The following OR14A16 variants were observed in gnomAD, a reference collection of about 807,000 sequenced individuals.
OR14A16 encodes olfactory receptor 14A16.
For missense variants in OR14A16, 341 were observed against 366.5 expected (o/e 0.93, Z 0.57); for synonymous variants, 135 against 137.6 (o/e 0.98, Z 0.13).
At chr1:247,818,214 G>T (rs558266764) in intron 2 of OR14A16, among the ~76,000 whole-genome samples, 5 of 152,088 alleles carry the variant, frequency 3.3e-5, no homozygotes, top group Non-Finnish European at 7.4e-5. Context: ...AATTAAAATG[G>T]ATTTTATCCA....
chr1:247,817,063 G>A (rs1196998336), intron 2 of OR14A16, among the ~76,000 whole-genome samples: 2 of 152,178 alleles, frequency 1.3e-5, no homozygotes, highest in Non-Finnish European at 2.9e-5. Context: ...ATGGAAAACT[G>A]TGGTTATTCA....
chr1:247,822,580 A>G (rs370395049), intron 1 of OR14A16, among the ~76,000 whole-genome samples: 2 of 152,134 alleles, frequency 1.3e-5, no homozygotes, highest in East Asian at 3.9e-4. Flanking sequence ...TTCTCTGATC[A>G]TCCAACTCGC....
rs761472828 is a variant in OR14A16, at chr1:247,815,651, T to A, written c.79A>T (p.Ile27Phe). 6.2e-7 allele frequency: 1 copy of A among 1,611,104 alleles called. No homozygotes were observed. The highest frequency in any genetic ancestry group is 8.5e-7 in the Non-Finnish European group (1 of 1,177,484). ...TNKNMCILHSILFLLIYLCAL... is the reference protein window; with the variant it reads ...TNKNMCILHSFLFLLIYLCAL... ...CACAAATAAATCAACAAGAAGAGAA[T>A]CGAATGCAAAATGCACATATTTTTA... is the stretch of plus-strand genomic sequence containing the variant. The change falls in exon 3 of 3, where the codon ATT (isoleucine) becomes TTT (phenylalanine). Residue 27 changes from isoleucine to phenylalanine, a missense_variant. By Grantham distance (21) the Ile-to-Phe change is conservative. Coordinates refer to ENST00000641093, the MANE Select transcript of OR14A16 (RefSeq NM_001001966.2).
intron 2 of OR14A16, among the ~76,000 whole-genome samples, chr1:247,818,711 G>A (rs72777551): frequency 0.041 from 6,188 of 152,214 alleles, 198 homozygotes; most frequent in Middle Eastern, 0.14. Context: ...GACTGAGAGG[G>A]TAGTAAGGAG....
chr1:247,814,748 G>T lies in OR14A16; in HGVS notation c.*52C>A. On this transcript the variant is annotated 3_prime_UTR_variant, in exon 3 of 3. Transcript: ENST00000641093. ...TTAGAGATAAAAATGAAGAATTAAT[G>T]TGTGTACATTATAAATGGTATCTAT... 1.1e-6 allele frequency: 1 copy of T among 887,094 alleles called. No homozygotes were observed. The highest frequency in any genetic ancestry group is 1.6e-6 in the Non-Finnish European group (1 of 608,774). 55.0% of individuals were successfully genotyped at this position (887,094 alleles called of 1,614,324 possible).
chr1:247,815,107 C>A lies in OR14A16; in HGVS notation c.623G>T (p.Cys208Phe), dbSNP rs112398272. Residue 208 changes from cysteine (C) to phenylalanine (F), a missense_variant, in exon 3 of 3, where the codon TGT (cysteine) becomes TTT (phenylalanine). Coordinates refer to ENST00000641093, the MANE Select transcript of OR14A16 (RefSeq NM_001001966.2). ...ILINVVLDFC[C>F]FIVIIITYVH... ...ATAGGTAATGATGATGACAATAAAA[C>A]AGCAGAAATCCAAAACTACATTAAT... 5 of 1,613,878 alleles carry A rather than the reference C, an allele frequency of 3.1e-6. No individual in the cohort carries two copies. In the South Asian group the frequency reaches 5.5e-5, roughly 18 times the overall value.
rs775931268 is a variant in OR14A16, at chr1:247,814,790, G to A, written c.*10C>T. ...GGTATCTATTATTGAAAGAAGAAAA[G>A]CAACAGCTTTTACTTTTTGGTGAGC... On this transcript the variant is annotated 3_prime_UTR_variant, in exon 3 of 3. Transcript: ENST00000641093. The A allele has an allele frequency of 2.7e-6, 4 of 1,499,032 alleles. No homozygotes were observed. The highest frequency in any genetic ancestry group is 3.6e-6 in the Non-Finnish European group (4 of 1,118,422). The allele number at this position is 1,499,032 out of a possible 1,614,324, so 92.9% of individuals were successfully genotyped here.
At chr1:247,821,429 A>G (rs1231218566) in intron 1 of OR14A16, among the ~76,000 whole-genome samples, 1 of 152,170 alleles carries the variant, frequency 6.6e-6, no homozygotes, top group East Asian at 1.9e-4. Flanking sequence ...TGCTTTATAT[A>G]TTTGGTATGC....
At chr1:247,817,323 A>T (rs4364911) in intron 2 of OR14A16, among the ~76,000 whole-genome samples, 125,752 of 152,188 alleles carry the variant, frequency 0.83, 54,060 homozygotes, top group East Asian at 1. Context: ...CTGTTAGAAA[A>T]AAAACCCAGA....
At chr1:247,816,203 A>G (rs1202807303) in intron 2 of OR14A16, among the ~76,000 whole-genome samples, 2 of 152,206 alleles carry the variant, frequency 1.3e-5, no homozygotes, top group East Asian at 3.8e-4. Context: ...AAGAATTTGA[A>G]CAATTAACAA....
chr1:247,820,871 A>T (rs1662724023), intron 1 of OR14A16, among the ~76,000 whole-genome samples: 1 of 152,142 alleles, frequency 6.6e-6, no homozygotes, highest in Admixed American at 6.5e-5. Context: ...AAAAAAAAAA[A>T]AAAAAATCTT....
chr1:247,814,703 T>G lies in OR14A16; in HGVS notation c.*97A>C. ...AAATAATTGCTTTCATTTGTCTTTTTAAATTTTTACTTTTAAGAATTAGAG... is the reference window on the plus strand; with the variant it reads ...AAATAATTGCTTTCATTTGTCTTTTGAAATTTTTACTTTTAAGAATTAGAG... On this transcript the variant is annotated 3_prime_UTR_variant, in exon 3 of 3. Coordinates refer to ENST00000641093, the MANE Select transcript of OR14A16 (RefSeq NM_001001966.2). 1.6e-6 allele frequency: 1 copy of G among 610,120 alleles called. No individual in the cohort carries two copies. Among genetic ancestry groups the G allele is most frequent in the African/African-American group, 1.9e-5 (1 of 52,488 alleles). The allele number at this position is 610,120 out of a possible 1,614,324, so 37.8% of individuals were successfully genotyped here.
In OR14A16 at chr1:247,814,748, G is replaced by C; in HGVS notation, c.*52C>G. ...TTAGAGATAAAAATGAAGAATTAAT[G>C]TGTGTACATTATAAATGGTATCTAT... On this transcript the variant is annotated 3_prime_UTR_variant, in exon 3 of 3. Coordinates refer to ENST00000641093, the MANE Select transcript of OR14A16 (RefSeq NM_001001966.2). 1.1e-6 allele frequency: 1 copy of C among 887,100 alleles called. No homozygotes were observed. The highest frequency in any genetic ancestry group is 1.6e-6 in the Non-Finnish European group (1 of 608,780). The allele number at this position is 887,100 out of a possible 1,614,324, so 55.0% of individuals were successfully genotyped here.
intron 1 of OR14A16, among the ~76,000 whole-genome samples, chr1:247,819,659 A>G (rs562708645): frequency 4.5e-4 from 58 of 129,284 alleles, no homozygotes; most frequent in Non-Finnish European, 8.7e-4. Flanking sequence ...TAACATATCC[A>G]TCACCTCACA....
At chr1:247,816,944 A>T (rs79887984) in intron 2 of OR14A16, among the ~76,000 whole-genome samples, 3,891 of 152,162 alleles carry the variant, frequency 0.026, 172 homozygotes, top group African/African-American at 0.088. Context: ...TTTTATGTCC[A>T]CTGCTTTCTC....
At chr1:247,820,379 G>C (rs887704953) in intron 1 of OR14A16, among the ~76,000 whole-genome samples, 3 of 151,828 alleles carry the variant, frequency 2.0e-5, no homozygotes, top group African/African-American at 7.3e-5. Flanking sequence ...TGCTGTTATT[G>C]TTTATGATTT....
chr1:247,822,835 A>G lies in OR14A16; in HGVS notation c.-131+1118T>C, dbSNP rs559052379. ...CTAGGAGCAAAGACTGAACTTATCA[A>G]TAGCTGAACTTCATCAAGAAAAGAT... On this transcript the variant is annotated intron_variant, in intron 1 of 2. Transcript: ENST00000641093. 5.3e-5 allele frequency among the ~76,000 whole-genome samples: 8 copies of G among 152,354 alleles called. No individual in the cohort carries two copies. The East Asian group carries it at 1.5e-3, about 29-fold the overall frequency.
At chr1:247,823,041 T>C (rs1199801642) in intron 1 of OR14A16, among the ~76,000 whole-genome samples, 1 of 152,236 alleles carries the variant, frequency 6.6e-6, no homozygotes, top group Non-Finnish European at 1.5e-5. Flanking sequence ...TTGATTTGTA[T>C]TCCTTATTCC....
chr1:247,818,950 A>AACATC (rs1197527703), intron 2 of OR14A16, 113 bp downstream of exon 2: 4 of 152,142 alleles, frequency 2.6e-5, no homozygotes, highest in African/African-American at 9.7e-5. Flanking sequence ...TCTGAATCAA[A>AACATC]ACATCACAGG....
Sources: allele counts gnomAD v4.1 joint callset (sites outside exome capture counted in the v4.1 genomes callset), GRCh38; gene constraint gnomAD v4.1.1; transcripts MANE v1.5; gene names NCBI Gene and HGNC (gene_info 2026-07-23, HGNC 2026-07-21).